ASAP1: variants seen among roughly 807,000 people sequenced by gnomAD.
The protein encoded by ASAP1 is arf-GAP with SH3 domain, ANK repeat and PH domain-containing protein 1.
ASAP1 carries 43 observed loss-of-function variants against 145.2 expected under a neutral mutation model. The ratio of observed to expected loss-of-function variants is 0.30; its 90% CI spans 0.23 to 0.38. The LOEUF (loss-of-function observed/expected upper bound fraction) is 0.38. Ranked by LOEUF, ASAP1 falls within the 10% of genes least tolerant of loss-of-function variation. The pLI, the probability that ASAP1 is intolerant of heterozygous loss-of-function variation, is 1.00. For missense variants in ASAP1, 1,018 were observed against 1,355.3 expected, an observed-to-expected ratio of 0.75 and a Z score of 3.91; for synonymous variants, 546 against 515.5, an observed-to-expected ratio of 1.06 and a Z score of -0.80.
chr8:130,320,293 C>T (rs1319703070), intron 3 of ASAP1, among the ~76,000 whole-genome samples: 6 of 152,138 alleles, frequency 3.9e-5, no homozygotes, highest in Non-Finnish European at 5.9e-5. Context: ...CAGTGGCTGT[C>T]GCCTGTAATC....
intron 27 of ASAP1, among the ~76,000 whole-genome samples, chr8:130,075,725 A>T (rs1592744891): frequency 6.6e-6 from 1 of 152,246 alleles, no homozygotes; most frequent in East Asian, 1.9e-4. Context: ...ACAAATGAAA[A>T]CCTTGTCAGC....
At chr8:130,094,120 T>A (rs935426544) in intron 24 of ASAP1, among the ~76,000 whole-genome samples, 1 of 152,204 alleles carries the variant, frequency 6.6e-6, no homozygotes, top group African/African-American at 2.4e-5. Flanking sequence ...ATACAGAGAT[T>A]GTTATTATGG....
chr8:130,434,686 AGAG>A (rs1830249262), intron 1 of ASAP1, among the ~76,000 whole-genome samples: 1 of 152,184 alleles, frequency 6.6e-6, no homozygotes. Flanking sequence ...ACCACTGGCC[AGAG>A]GAGGAGCCGC....
At chr8:130,149,647 A>G (rs1407254641) in intron 13 of ASAP1, among the ~76,000 whole-genome samples, 4 of 152,220 alleles carry the variant, frequency 2.6e-5, no homozygotes, top group African/African-American at 4.8e-5. Flanking sequence ...CATGTGTCCC[A>G]AACACCTCAA....
intron 1 of ASAP1, among the ~76,000 whole-genome samples, chr8:130,403,548 CTTTTTCTTTTTT>C (rs1183660212): frequency 2.3e-5 from 3 of 128,490 alleles, no homozygotes; most frequent in Non-Finnish European, 4.9e-5. Flanking sequence ...TTTTCTTTTT[CTTTTTCTTTTTT>C]TTTTTTTTTT....
At chr8:130,291,593 G>C (rs1056855298) in intron 3 of ASAP1, among the ~76,000 whole-genome samples, 2 of 152,162 alleles carry the variant, frequency 1.3e-5, no homozygotes, top group Non-Finnish European at 2.9e-5. Flanking sequence ...AAAGAAGAGG[G>C]GAAAAGGAAG....
At chr8:130,393,699 T>C (rs145443549) in intron 2 of ASAP1, among the ~76,000 whole-genome samples, 10,415 of 152,224 alleles carry the variant, frequency 0.068, 365 homozygotes, top group Middle Eastern at 0.13. Context: ...GAGATTGCAG[T>C]GGGCCAAGAT....
chr8:130,388,866 G>C (rs372041832), intron 2 of ASAP1, among the ~76,000 whole-genome samples: 1 of 152,310 alleles, frequency 6.6e-6, no homozygotes, highest in East Asian at 1.9e-4. Context: ...AGTAGCACAC[G>C]GAGTAAAAGT....
At chr8:130,323,783 G>A (rs909466244) in intron 3 of ASAP1, among the ~76,000 whole-genome samples, 9 of 152,090 alleles carry the variant, frequency 5.9e-5, no homozygotes, top group Non-Finnish European at 1.5e-5. Flanking sequence ...GCAGATCTTT[G>A]ATAAACAATA....
At chr8:130,267,180 T>C (rs1214305632) in intron 3 of ASAP1, among the ~76,000 whole-genome samples, 1 of 151,142 alleles carries the variant, frequency 6.6e-6, no homozygotes, top group Non-Finnish European at 1.5e-5. Flanking sequence ...CCCCTTTTCA[T>C]ACACTCCAGT....
chr8:130,206,408 T>C (rs1055886903), intron 5 of ASAP1, among the ~76,000 whole-genome samples: 1 of 151,692 alleles, frequency 6.6e-6, no homozygotes, highest in African/African-American at 2.4e-5. Context: ...ATCCAACCTG[T>C]ACATTATCAG....
chr8:130,164,841 T>C (rs1011706850), intron 11 of ASAP1, among the ~76,000 whole-genome samples: 1 of 152,216 alleles, frequency 6.6e-6, no homozygotes, highest in African/African-American at 2.4e-5. Context: ...AAATGATTTG[T>C]TGGGTGCTTT....
chr8:130,094,645 C>G (rs1592785802), intron 24 of ASAP1, among the ~76,000 whole-genome samples: 1 of 152,272 alleles, frequency 6.6e-6, no homozygotes, highest in Non-Finnish European at 1.5e-5. Flanking sequence ...ATTAAAGTCA[C>G]AAGCCATGAG....
intron 3 of ASAP1, among the ~76,000 whole-genome samples, chr8:130,252,511 T>C (rs1357153285): frequency 1.3e-5 from 2 of 152,188 alleles, no homozygotes; most frequent in African/African-American, 2.4e-5. Flanking sequence ...TTAACTTTCA[T>C]AGAAAACAAG....
chr8:130,061,167 C>T (rs1419951204), intron 27 of ASAP1, 98 bp from the exon 28 acceptor site: 4 of 1,405,700 alleles, frequency 2.8e-6, no homozygotes, highest in African/African-American at 2.9e-5. Flanking sequence ...GGGAACTGAC[C>T]TATAGTGAGC....
intron 3 of ASAP1, among the ~76,000 whole-genome samples, chr8:130,247,820 C>G (rs1818942408): frequency 6.6e-6 from 1 of 152,168 alleles, no homozygotes; most frequent in Non-Finnish European, 1.5e-5. Context: ...CAGGCACACC[C>G]TGGGAACCAC....
At chr8:130,280,037 CTTATT>C (rs1276988001) in intron 3 of ASAP1, among the ~76,000 whole-genome samples, 1 of 152,128 alleles carries the variant, frequency 6.6e-6, no homozygotes, top group African/African-American at 2.4e-5. Context: ...TTACATGTTC[CTTATT>C]TTATTTGGTC....
intron 3 of ASAP1, among the ~76,000 whole-genome samples, chr8:130,247,854 G>A (rs73427351): frequency 1.2e-4 from 19 of 152,272 alleles, no homozygotes; most frequent in Middle Eastern, 3.4e-3. Flanking sequence ...TTCACAAATT[G>A]AAAACTAGTC....
chr8:130,187,335 T>C (rs1565066704), intron 6 of ASAP1, 50 bp from the exon 7 acceptor site: 1 of 1,430,868 alleles, frequency 7.0e-7, no homozygotes, highest in Non-Finnish European at 9.8e-7. Flanking sequence ...TTGCTGAAAA[T>C]TAATAAATAG....
Sources: allele counts gnomAD v4.1 joint callset (sites outside exome capture counted in the v4.1 genomes callset), GRCh38; gene constraint gnomAD v4.1.1; transcripts MANE v1.5; gene names NCBI Gene and HGNC (gene_info 2026-07-23, HGNC 2026-07-21).